Variants in POLA1 observed in about 807,000 individuals in gnomAD.
POLA1 encodes DNA polymerase alpha catalytic subunit.
In POLA1, 15 loss-of-function variants were observed where a neutral mutation model predicts 124.0. That is an observed-to-expected ratio of 0.12 (90% CI 0.08 to 0.19). The LOEUF is 0.19. Ranked by LOEUF, POLA1 falls within the 10% of genes least tolerant of loss-of-function variation. The pLI, the probability that POLA1 is intolerant of heterozygous loss-of-function variation, is 1.00. For missense variants in POLA1, 886 were observed against 1,103.4 expected (o/e 0.80, Z 2.79); for synonymous variants, 408 against 389.4 (o/e 1.05, Z -0.56).
At chrX:24,772,910 C>G (rs762584625) in intron 26 of POLA1, among the ~76,000 whole-genome samples, 6 of 111,689 alleles carry the variant, frequency 5.4e-5, no homozygotes, top group Non-Finnish European at 1.1e-4. Flanking sequence ...TTCACAATAG[C>G]AAAGACATAG....
At chrX:24,953,310 T>TTTG (rs964828512) in intron 36 of POLA1, among the ~76,000 whole-genome samples, 1 of 112,423 alleles carries the variant, frequency 8.9e-6, no homozygotes, top group Non-Finnish European at 1.9e-5. Context: ...TTTTTAGCTT[T>TTTG]TTGTTGTTGT....
chrX:24,804,493 T>C (rs2045767998), intron 26 of POLA1, among the ~76,000 whole-genome samples: 1 of 112,052 alleles, frequency 8.9e-6, no homozygotes, highest in African/African-American at 3.2e-5. Context: ...ATATCATCGG[T>C]AATGGAAGAA....
In POLA1 at chrX:24,812,666, T is replaced by A; in HGVS notation, c.3099T>A (p.Ser1033Arg). Reference sequence around the variant, plus strand: ...ATTTGAAATTTTCACAGGTAAAAAGTGAAGTGAATAAGTTGTACAAACTGC... The same window carrying A: ...ATTTGAAATTTTCACAGGTAAAAAGAGAAGTGAATAAGTTGTACAAACTGC... ...EVFKLGNKVK[S>R]EVNKLYKLLE... The change falls in exon 29 of 37, where the codon AGT becomes AGA. Residue 1033 changes from serine to arginine, a missense_variant. This residue lies in a region of POLA1 where 313 missense variants were observed against 359.7 expected (regional missense o/e 0.87). Transcript: ENST00000379068. 1 of 1,168,626 alleles carries A rather than the reference T, an allele frequency of 8.6e-7. No individual in the cohort carries two copies. The highest frequency in any genetic ancestry group is 1.2e-6 in the Non-Finnish European group (1 of 859,682).
intron 10 of POLA1, among the ~76,000 whole-genome samples, chrX:24,719,913 T>G (rs1337606667): frequency 9.0e-6 from 1 of 110,511 alleles, no homozygotes; most frequent in Non-Finnish European, 1.9e-5. Flanking sequence ...ACCAGCCTCC[T>G]AATTGATCTC....
chrX:24,777,190 T>A (rs1256696175), intron 26 of POLA1, among the ~76,000 whole-genome samples: 2 of 112,198 alleles, frequency 1.8e-5, no homozygotes, highest in African/African-American at 6.5e-5. Context: ...AAGTTGGGTT[T>A]GTGCTCGTGA....
rs11573499 is a variant in POLA1 at position 24,953,915 on chromosome X, A to G, written c.4261+23366A>G. On this transcript the variant is annotated intron_variant, in intron 36 of 36. Coordinates refer to ENST00000379068, the MANE Select transcript of POLA1 (RefSeq NM_001330360.2). ...AATGCAGTCTTATTCCCATATCAGCATGTTGTTTCTTGTGTGCTCTGCTAA... is the reference window on the plus strand; with the variant it reads ...AATGCAGTCTTATTCCCATATCAGCGTGTTGTTTCTTGTGTGCTCTGCTAA... Among the ~76,000 whole-genome samples the G allele has an allele frequency of 7.0e-3, 785 of 112,376 alleles. 2 individuals are homozygous for G. The highest frequency in any genetic ancestry group is 0.023 in the African/African-American group (717 of 30,940).
At chrX:24,757,632 G>T (rs1376808683) in intron 26 of POLA1, among the ~76,000 whole-genome samples, 1 of 108,686 alleles carries the variant, frequency 9.2e-6, no homozygotes, top group African/African-American at 3.4e-5. Flanking sequence ...GTAGAGACGG[G>T]GTTTCACTGT....
intron 26 of POLA1, among the ~76,000 whole-genome samples, chrX:24,785,277 T>G (rs191451780): frequency 5.3e-5 from 6 of 112,317 alleles, no homozygotes; most frequent in African/African-American, 1.9e-4. Context: ...TATCCTATAA[T>G]ATATTCAGTT....
chrX:24,837,580 A>G (rs2147052486), intron 32 of POLA1, among the ~76,000 whole-genome samples: 1 of 112,037 alleles, frequency 8.9e-6, no homozygotes, highest in South Asian at 3.7e-4. Context: ...TATAGCATTC[A>G]CCATTTGAAA....
chrX:24,835,294 C>T (rs1417810889), intron 32 of POLA1, among the ~76,000 whole-genome samples: 1 of 110,801 alleles, frequency 9.0e-6, no homozygotes, highest in Non-Finnish European at 1.9e-5. Flanking sequence ...TCAGGTGATT[C>T]TCCTGCCTTG....
chrX:24,830,666 C>T (rs1485303641), intron 32 of POLA1, among the ~76,000 whole-genome samples: 2 of 111,771 alleles, frequency 1.8e-5, no homozygotes, highest in African/African-American at 6.5e-5. Context: ...ATAGATTTTT[C>T]TCTCTCTCAT....
intron 34 of POLA1, among the ~76,000 whole-genome samples, chrX:24,862,045 T>G (rs2046723186): frequency 1.8e-5 from 2 of 111,882 alleles, no homozygotes; most frequent in South Asian, 3.7e-4. Flanking sequence ...TTGAAGAGAT[T>G]GATTTAAGAC....
intron 26 of POLA1, among the ~76,000 whole-genome samples, chrX:24,767,594 G>A (rs1044841161): frequency 2.7e-5 from 3 of 112,226 alleles, no homozygotes; most frequent in Admixed American, 9.4e-5. Flanking sequence ...ATAAAATGTA[G>A]GAGTCATGTT....
At chrX:24,865,975 A>T (rs781199817) in intron 34 of POLA1, among the ~76,000 whole-genome samples, 7 of 111,887 alleles carry the variant, frequency 6.3e-5, no homozygotes, top group African/African-American at 1.9e-4. Flanking sequence ...GGGTGACAAA[A>T]ATACGATGTT....
chrX:24,804,675 G>A (rs926788473), intron 26 of POLA1, among the ~76,000 whole-genome samples: 2 of 111,658 alleles, frequency 1.8e-5, no homozygotes, highest in African/African-American at 3.3e-5. Context: ...ACATGTTTTC[G>A]GAATAGGACC....
intron 35 of POLA1, among the ~76,000 whole-genome samples, chrX:24,928,211 C>A (rs1163290866): frequency 1.8e-5 from 2 of 111,668 alleles, no homozygotes; most frequent in Non-Finnish European, 3.8e-5. Flanking sequence ...TCCATTTAGG[C>A]AGTGACTTTC....
chrX:24,888,313 A>G (rs55845141), intron 35 of POLA1, among the ~76,000 whole-genome samples, 191 bp downstream of exon 35: 2 of 112,017 alleles, frequency 1.8e-5, no homozygotes, highest in East Asian at 2.8e-4. Flanking sequence ...GAGCAATACT[A>G]TATTTATATT....
intron 36 of POLA1, among the ~76,000 whole-genome samples, chrX:24,965,123 A>G (rs2048208216): frequency 8.9e-6 from 1 of 111,935 alleles, no homozygotes; most frequent in Admixed American, 9.5e-5. Context: ...GTATGCCCCC[A>G]TTGACCAATC....
chrX:24,921,177 A>G (rs1309834299), intron 35 of POLA1, among the ~76,000 whole-genome samples: 1 of 112,732 alleles, frequency 8.9e-6, no homozygotes, highest in Non-Finnish European at 1.9e-5. Flanking sequence ...GAAAAATATC[A>G]CATACTATGC....
Sources: allele counts gnomAD v4.1 joint callset (sites outside exome capture counted in the v4.1 genomes callset), GRCh38; gene constraint gnomAD v4.1.1; regional missense constraint gnomAD v4.1.1; transcripts MANE v1.5; gene names NCBI Gene and HGNC (gene_info 2026-07-23, HGNC 2026-07-21).